RELCH: variants seen among roughly 807,000 people sequenced by gnomAD.
RELCH encodes RAB11-binding protein RELCH.
In RELCH, 41 loss-of-function variants were observed where a neutral mutation model predicts 150.3. The ratio of observed to expected loss-of-function variants is 0.27; its 90% CI spans 0.21 to 0.35. The LOEUF (loss-of-function observed/expected upper bound fraction) is 0.35. Ranked by LOEUF, RELCH falls within the 10% of genes least tolerant of loss-of-function variation. The pLI is 1.00. For synonymous variants in RELCH, 478 were observed against 531.8 expected, an observed-to-expected ratio of 0.90 and a Z score of 1.39; for missense variants, 1,092 against 1,467.8, an observed-to-expected ratio of 0.74 and a Z score of 4.18.
At chr18:62,299,651 G>A (rs1180927720) in intron 28 of RELCH, among the ~76,000 whole-genome samples, 1 of 151,834 alleles carries the variant, frequency 6.6e-6, no homozygotes, top group Non-Finnish European at 1.5e-5. Context: ...TAACCACAGA[G>A]GATTAAAACA....
At chr18:62,271,189 C>T (rs560113043) in intron 20 of RELCH, among the ~76,000 whole-genome samples, 59 of 152,310 alleles carry the variant, frequency 3.9e-4, no homozygotes, top group African/African-American at 1.2e-3. Flanking sequence ...AATGGTTGAA[C>T]TAGTTTACAG....
chr18:62,231,585 A>G (rs1226618428), intron 9 of RELCH, among the ~76,000 whole-genome samples: 1 of 152,036 alleles, frequency 6.6e-6, no homozygotes, highest in African/African-American at 2.4e-5. Flanking sequence ...CACTGTTTAT[A>G]TATTAATTGT....
chr18:62,190,350 A>G (rs28704626), intron 1 of RELCH, among the ~76,000 whole-genome samples: 15,245 of 152,166 alleles, frequency 0.1, 902 homozygotes, highest in East Asian at 0.19. Context: ...AGGATGAGGC[A>G]GCCAGATCAC....
At chr18:62,287,126 G>A (rs1441709818) in intron 25 of RELCH, among the ~76,000 whole-genome samples, 1 of 152,124 alleles carries the variant, frequency 6.6e-6, no homozygotes, top group Non-Finnish European at 1.5e-5. Context: ...AATAGTGACA[G>A]TACTAAAATT....
chr18:62,251,986 T>C (rs1016130413), intron 11 of RELCH, among the ~76,000 whole-genome samples: 4 of 152,102 alleles, frequency 2.6e-5, no homozygotes, highest in Admixed American at 6.5e-5. Context: ...TAGCAAGGTA[T>C]AATTTTTTCT....
At chr18:62,241,834 C>T (rs1475032416) in intron 10 of RELCH, among the ~76,000 whole-genome samples, 1 of 152,006 alleles carries the variant, frequency 6.6e-6, no homozygotes, top group Non-Finnish European at 1.5e-5. Context: ...GTTTCAGAGG[C>T]TTGAAAGATG....
intron 8 of RELCH, 59 bp downstream of exon 8, chr18:62,228,657 G>A (rs1568347271): frequency 4.6e-6 from 6 of 1,313,382 alleles, no homozygotes; most frequent in South Asian, 3.1e-5. Flanking sequence ...CATGTCAAAC[G>A]GGAAGAGCTA....
chr18:62,271,976 C>T (rs751322160), intron 20 of RELCH, among the ~76,000 whole-genome samples: 3 of 151,996 alleles, frequency 2.0e-5, no homozygotes, highest in African/African-American at 7.2e-5. Context: ...TTATTATACT[C>T]TTCTTTCAAG....
intron 2 of RELCH, among the ~76,000 whole-genome samples, chr18:62,212,785 G>A (rs2040248751): frequency 6.6e-6 from 1 of 152,210 alleles, no homozygotes; most frequent in South Asian, 2.1e-4. Context: ...CTACCTCTTG[G>A]CATGAAAGAT....
At position 62,212,903 on chromosome 18, in the gene RELCH, GA is replaced by G. The variant is rs1243776339; in HGVS notation, c.616+1669del. 3.6e-4 allele frequency among the ~76,000 whole-genome samples: 55 copies of G among 151,916 alleles called. 1 individual carries two copies. Among genetic ancestry groups the G allele is most frequent in the Admixed American group, 3.4e-3 (52 of 15,250 alleles). On this transcript the variant is annotated intron_variant, in intron 2 of 28. Transcript: ENST00000644646. ...ATCTCAGACAGTGTTATATGAGTTA[GA>G]AAAAAAATGTAATTGTTTTTCTGAG...
rs1207702286 is a variant in RELCH, at chr18:62,306,822, A to T, written c.*1288A>T. 6.6e-6 allele frequency: 1 copy of T among 152,664 alleles called. No homozygotes were observed. The highest frequency in any genetic ancestry group is 2.4e-5 in the African/African-American group (1 of 41,464). 9.5% of individuals were successfully genotyped at this position (152,664 alleles called of 1,614,324 possible). On this transcript the variant is annotated 3_prime_UTR_variant, in exon 29 of 29. Coordinates refer to ENST00000644646, the MANE Select transcript of RELCH (RefSeq NM_001346231.2). ...TTAGCACAGTTGATGCACATAAGTGATTCTCATATTTGTTGTATAAACTGG... is the reference window on the plus strand; with the variant it reads ...TTAGCACAGTTGATGCACATAAGTGTTTCTCATATTTGTTGTATAAACTGG...
rs1202982195 is a variant in RELCH, at chr18:62,306,586, G to C, written c.*1052G>C. ...ATTATAACTAGTTAGTTATCACCTC[G>C]TCCCTTAAAGTCAGTGACCTCCTGT... is the stretch of plus-strand genomic sequence containing the variant. On this transcript the variant is annotated 3_prime_UTR_variant, in exon 29 of 29. Coordinates refer to ENST00000644646, the MANE Select transcript of RELCH (RefSeq NM_001346231.2). The C allele has an allele frequency of 6.6e-6, 1 of 152,364 alleles. No individual in the cohort carries two copies. Among genetic ancestry groups the C allele is most frequent in the East Asian group, 1.9e-4 (1 of 5,188 alleles). The allele number at this position is 152,364 out of a possible 1,614,324, so 9.4% of individuals were successfully genotyped here. A position where few individuals can be genotyped will look rare whatever the true frequency, so the allele number is the denominator to read the frequency against.
At chr18:62,285,767 T>G (rs1360967052) in intron 25 of RELCH, 1 of 152,162 alleles carries the variant, frequency 6.6e-6, no homozygotes, top group Non-Finnish European at 1.5e-5. Context: ...CCCCATCTCT[T>G]AATAAAAAAG....
intron 2 of RELCH, among the ~76,000 whole-genome samples, chr18:62,214,292 A>T (rs995326061): frequency 6.6e-5 from 10 of 151,674 alleles, no homozygotes; most frequent in Admixed American, 1.3e-4. Flanking sequence ...AACTTTTTTT[A>T]AAAAAATTTC....
chr18:62,292,988 A>G (rs542447831), intron 27 of RELCH, among the ~76,000 whole-genome samples: 1 of 152,254 alleles, frequency 6.6e-6, no homozygotes, highest in African/African-American at 2.4e-5. Flanking sequence ...TCTTACATAC[A>G]AGGCCTTTTA....
At position 62,227,699 on chromosome 18, in the gene RELCH, T is replaced by C. The variant is rs2041304639; in HGVS notation, c.1154+10T>C. On this transcript the variant is annotated intron_variant, in intron 7 of 28. Coordinates refer to ENST00000644646, the MANE Select transcript of RELCH (RefSeq NM_001346231.2). ...TCAGAAGACTTAAAAGGTTAGTACT[T>C]GATCATTATTCCTAAAAATCCTCTT... 4 of 1,355,778 alleles carry C rather than the reference T, an allele frequency of 3.0e-6. No individual in the cohort carries two copies. The East Asian group carries it at 9.2e-5, about 31-fold the overall frequency. The allele number at this position is 1,355,778 out of a possible 1,614,324, so 84.0% of individuals were successfully genotyped here. A position where few individuals can be genotyped will look rare whatever the true frequency, so the allele number is the denominator to read the frequency against.
chr18:62,278,417 T>C (rs1161359625), intron 22 of RELCH, among the ~76,000 whole-genome samples: 1 of 152,172 alleles, frequency 6.6e-6, no homozygotes, highest in African/African-American at 2.4e-5. Flanking sequence ...TTATAAAAAT[T>C]ATTTCAGAAT....
At chr18:62,206,428 A>G (rs1303067270) in intron 1 of RELCH, among the ~76,000 whole-genome samples, 2 of 151,900 alleles carry the variant, frequency 1.3e-5, no homozygotes, top group African/African-American at 4.8e-5. Flanking sequence ...TGATAATGAC[A>G]TAGCCCTATT....
intron 26 of RELCH, among the ~76,000 whole-genome samples, chr18:62,288,731 A>G (rs1309992482): frequency 6.6e-6 from 1 of 152,154 alleles, no homozygotes; most frequent in Non-Finnish European, 1.5e-5. Flanking sequence ...CACTAAAAGC[A>G]GAACTTATCA....
Sources: allele counts gnomAD v4.1 joint callset (sites outside exome capture counted in the v4.1 genomes callset), GRCh38; gene constraint gnomAD v4.1.1; transcripts MANE v1.5; gene names NCBI Gene and HGNC (gene_info 2026-07-23, HGNC 2026-07-21).